The following RORA variants were observed in gnomAD, a reference collection of about 807,000 sequenced individuals.
RORA encodes the protein RAR related orphan receptor A, also known as nuclear receptor ROR-alpha.
Under a neutral mutation model 69.5 loss-of-function variants are expected in RORA, and 7 were observed. The observed-to-expected ratio is 0.10, with a 90% CI of 0.06 to 0.19. RORA has a LOEUF of 0.19. Ranked by LOEUF, RORA falls within the 10% of genes least tolerant of loss-of-function variation. The pLI, the probability that RORA is intolerant of heterozygous loss-of-function variation, is 1.00. For synonymous variants in RORA, 261 were observed against 240.8 expected, an observed-to-expected ratio of 1.08 and a Z score of -0.78; for missense variants, 457 against 663.0, an observed-to-expected ratio of 0.69 and a Z score of 3.41.
chr15:61,177,666 C>T (rs1406147856), intron 1 of RORA, among the ~76,000 whole-genome samples: 2 of 151,904 alleles, frequency 1.3e-5, no homozygotes, highest in Non-Finnish European at 2.9e-5. Context: ...AGAAAGGAAC[C>T]GGAGGCCGGT....
chr15:60,861,225 G>T (rs1256107370), intron 1 of RORA, among the ~76,000 whole-genome samples: 1 of 152,152 alleles, frequency 6.6e-6, no homozygotes, highest in Non-Finnish European at 1.5e-5. Context: ...CATCCATTAA[G>T]TTAGACAGGA....
At chr15:60,841,658 C>T (rs770981960) in intron 1 of RORA, among the ~76,000 whole-genome samples, 8 of 152,164 alleles carry the variant, frequency 5.3e-5, no homozygotes, top group South Asian at 2.1e-4. Flanking sequence ...TGGAATAATT[C>T]GAAGGCCACA....
chr15:60,819,753 A>ACACACACACACACACACACACACGCG (rs2072864335), intron 1 of RORA, among the ~76,000 whole-genome samples: 1 of 46,268 alleles, frequency 2.2e-5, no homozygotes, highest in Non-Finnish European at 7.6e-5. Context: ...CCAGACACAC[A>ACACACACACACACACACACACACGCG]CACACACACA....
intron 1 of RORA, among the ~76,000 whole-genome samples, chr15:60,824,976 T>C (rs1487408172): frequency 6.6e-6 from 1 of 152,210 alleles, no homozygotes; most frequent in Non-Finnish European, 1.5e-5. Context: ...CCAAATGGGC[T>C]AACGTAGGAC....
intron 1 of RORA, among the ~76,000 whole-genome samples, chr15:61,111,926 C>T (rs529878191): frequency 1.3e-5 from 2 of 152,288 alleles, no homozygotes; most frequent in African/African-American, 4.8e-5. Flanking sequence ...CATTTATTCA[C>T]TCATTCATTC....
intron 1 of RORA, among the ~76,000 whole-genome samples, chr15:60,679,863 G>C (rs2070616052): frequency 1.3e-5 from 2 of 152,090 alleles, no homozygotes; most frequent in Non-Finnish European, 2.9e-5. Context: ...AAATTACATA[G>C]CCCAACTCAA....
intron 1 of RORA, among the ~76,000 whole-genome samples, chr15:60,930,759 G>A (rs1307554384): frequency 6.6e-6 from 1 of 152,174 alleles, no homozygotes; most frequent in East Asian, 1.9e-4. Context: ...TTTGTATGTG[G>A]TGACTGTCAT....
chr15:61,107,641 T>C (rs868739211), intron 1 of RORA, among the ~76,000 whole-genome samples: 13 of 152,090 alleles, frequency 8.5e-5, no homozygotes, highest in African/African-American at 3.1e-4. Context: ...GATATGTTAA[T>C]TAAAATTTAC....
At chr15:60,525,845 G>T (rs562643932) in intron 3 of RORA, among the ~76,000 whole-genome samples, 2 of 152,248 alleles carry the variant, frequency 1.3e-5, no homozygotes, top group African/African-American at 4.8e-5. Context: ...GCAACTTTCT[G>T]TTGAGAATGT....
Position 60,786,876 on chromosome 15 carries a change from T to C in RORA, c.167-108190A>G, listed in dbSNP as rs147247068. Among the ~76,000 whole-genome samples, 591 of 152,330 alleles carry C rather than the reference T, an allele frequency of 3.9e-3. 14 individuals are homozygous for C. In the East Asian group the frequency reaches 0.041, roughly 10 times the overall value. On this transcript the variant is annotated intron_variant, in intron 1 of 10. Transcript: ENST00000335670. The stretch of plus-strand genomic sequence containing the variant: ...GTCTTTCTGGAGTCTCAGCTCGTGA[T>C]AGGCATTTAGCAACCTTCCCAGCGG...
Position 60,538,421 on chromosome 15 carries a change from T to C in RORA, c.197-6570A>G, listed in dbSNP as rs565375063. On this transcript the variant is annotated intron_variant, in intron 2 of 10. Transcript: ENST00000335670. ...AAGCTCTTTGAAGATGAAAAACCTA[T>C]ATAAATGGGAAGCTTCAGGAAGCTT... Among the ~76,000 whole-genome samples the C allele has an allele frequency of 2.0e-5, 3 of 152,232 alleles. No individual in the cohort carries two copies. In the South Asian group the frequency reaches 6.2e-4, roughly 32 times the overall value.
At chr15:60,506,220 T>G (rs2065495949) in intron 5 of RORA, among the ~76,000 whole-genome samples, 1 of 152,032 alleles carries the variant, frequency 6.6e-6, no homozygotes, top group Admixed American at 6.5e-5. Flanking sequence ...CTGTGTGATC[T>G]CGGGTATGTT....
intron 2 of RORA, among the ~76,000 whole-genome samples, chr15:60,600,632 G>A (rs2068789432): frequency 6.6e-6 from 1 of 152,162 alleles, no homozygotes; most frequent in Non-Finnish European, 1.5e-5. Flanking sequence ...TTCTCAATAT[G>A]TTAGATCCAC....
intron 1 of RORA, among the ~76,000 whole-genome samples, chr15:60,926,941 T>C (rs1386127384): frequency 6.6e-6 from 1 of 152,252 alleles, no homozygotes; most frequent in Non-Finnish European, 1.5e-5. Context: ...ACCTGGCTCT[T>C]GAGATTTGGG....
At chr15:61,069,722 A>G (rs914457689) in intron 1 of RORA, among the ~76,000 whole-genome samples, 2 of 152,016 alleles carry the variant, frequency 1.3e-5, no homozygotes, top group Non-Finnish European at 2.9e-5. Flanking sequence ...GCTTGAGGAA[A>G]AAAAAAAGGA....
intron 3 of RORA, chr15:60,528,380 T>C (rs1259255252): frequency 2.0e-5 from 3 of 152,234 alleles, no homozygotes; most frequent in Non-Finnish European, 4.4e-5. Flanking sequence ...GTGCTTCTTA[T>C]GTATATCATA....
intron 1 of RORA, among the ~76,000 whole-genome samples, chr15:61,109,863 T>A (rs190978817): frequency 2.7e-3 from 408 of 152,364 alleles, no homozygotes; most frequent in Non-Finnish European, 4.8e-3. Context: ...ACAGTGCCTA[T>A]GGCATTCTAA....
intron 1 of RORA, among the ~76,000 whole-genome samples, chr15:61,093,882 G>A (rs1357682087): frequency 1.3e-5 from 2 of 152,168 alleles, no homozygotes; most frequent in Non-Finnish European, 2.9e-5. Flanking sequence ...CATACTGAAC[G>A]AAAAGGAAAC....
intron 1 of RORA, among the ~76,000 whole-genome samples, chr15:61,225,990 G>A (rs1021212537): frequency 2.0e-5 from 3 of 152,178 alleles, no homozygotes; most frequent in African/African-American, 7.2e-5. Context: ...ATTCCCAGCA[G>A]TTTTATGGAC....
Sources: gnomAD v4.1 joint callset for allele counts (sites outside exome capture counted in the v4.1 genomes callset) on GRCh38, gnomAD v4.1.1 for gene constraint, MANE v1.5 for transcripts, NCBI Gene and HGNC (gene_info 2026-07-23, HGNC 2026-07-21) for gene names.